Variants in RIPOR2 observed in about 807,000 individuals in gnomAD.
RIPOR2 encodes the protein RHO family interacting cell polarization regulator 2.
In RIPOR2, 39 loss-of-function variants were observed where a neutral mutation model predicts 114.5. The ratio of observed to expected loss-of-function variants is 0.34; its 90% CI spans 0.26 to 0.44. The LOEUF is 0.44. RIPOR2 is among the 20% of genes least tolerant of loss of function. RIPOR2 has a pLI of 1.00. For missense variants in RIPOR2, 1,007 were observed against 1,255.1 expected, an observed-to-expected ratio of 0.80 and a Z score of 2.99; for synonymous variants, 445 against 484.4, an observed-to-expected ratio of 0.92 and a Z score of 1.07.
chr6:24,993,111 G>A (rs1774900134), intron 1 of RIPOR2, among the ~76,000 whole-genome samples: 1 of 152,148 alleles, frequency 6.6e-6, no homozygotes, highest in Admixed American at 6.5e-5. Flanking sequence ...TTCTAATTGT[G>A]TTTATTTGAT....
chr6:24,966,437 T>G (rs934943129), intron 1 of RIPOR2, among the ~76,000 whole-genome samples: 40 of 152,218 alleles, frequency 2.6e-4, no homozygotes. Flanking sequence ...CTCCCCAAAA[T>G]GTTTTCTTTA....
At chr6:24,825,896 C>T (rs992421391) in intron 18 of RIPOR2, among the ~76,000 whole-genome samples, 3 of 147,908 alleles carry the variant, frequency 2.0e-5, no homozygotes, top group Non-Finnish European at 3.0e-5. Context: ...ACCTATCTAT[C>T]TATTTATTTA....
intron 1 of RIPOR2, among the ~76,000 whole-genome samples, chr6:24,994,489 A>G (rs1774962557): frequency 6.6e-6 from 1 of 152,178 alleles, no homozygotes; most frequent in South Asian, 2.1e-4. Context: ...TGGTGCTGAA[A>G]GCATTTCCGA....
Position 25,037,490 on chromosome 6 carries a change from G to C in RIPOR2, c.76+4361C>G, listed in dbSNP as rs1246849386. ...TGGGCAGGTCACAGGTAAGCAGCTT[G>C]ACAGGGTTTACAGGACACCAGATAG... On this transcript the variant is annotated intron_variant, in intron 1 of 13. Coordinates refer to the RIPOR2 transcript ENST00000510784. The surrounding 1 kb of genome is among the most constrained non-coding windows in gnomAD (Gnocchi z 4.5). Among the ~76,000 whole-genome samples, 1 of 152,128 alleles carries C rather than the reference G, an allele frequency of 6.6e-6. No homozygotes were observed. Among genetic ancestry groups the C allele is most frequent in the Non-Finnish European group, 1.5e-5 (1 of 68,026 alleles).
intron 1 of RIPOR2, among the ~76,000 whole-genome samples, chr6:24,908,908 T>C (rs1160731308): frequency 6.6e-6 from 1 of 152,228 alleles, no homozygotes; most frequent in Non-Finnish European, 1.5e-5. Flanking sequence ...TCGGTTTTCT[T>C]TCTCTGTAGC....
At chr6:24,840,518 G>C (rs989258889) in intron 13 of RIPOR2, 2 of 1,418,960 alleles carry the variant, frequency 1.4e-6, no homozygotes, top group Non-Finnish European at 1.8e-6. Context: ...AGGATGCTGG[G>C]GTGGGTCGAA....
At chr6:25,038,571 A>C (rs1777348747) in intron 1 of RIPOR2, among the ~76,000 whole-genome samples, 1 of 152,236 alleles carries the variant, frequency 6.6e-6, no homozygotes, top group Non-Finnish European at 1.5e-5. Flanking sequence ...CATGTGGCAG[A>C]GAACAATGGG....
chr6:24,888,184 G>A (rs1395908809), intron 1 of RIPOR2, among the ~76,000 whole-genome samples: 1 of 152,144 alleles, frequency 6.6e-6, no homozygotes, highest in East Asian at 1.9e-4. Context: ...GAGACAGCTT[G>A]GCTGATCCAG....
At chr6:24,945,852 C>T (rs553622341) in intron 1 of RIPOR2, among the ~76,000 whole-genome samples, 34 of 152,080 alleles carry the variant, frequency 2.2e-4, no homozygotes, top group African/African-American at 7.0e-4. Context: ...TTCTTTTATT[C>T]TCGTTTATTT....
chr6:24,839,021 G>T, intron 14 of RIPOR2, 70 bp downstream of exon 14: 4 of 1,280,278 alleles, frequency 3.1e-6, no homozygotes, highest in Non-Finnish European at 4.3e-6. Context: ...GGTCCCCTCT[G>T]ACAGTAACAA....
chr6:24,998,273 A>G (rs1415405459), intron 1 of RIPOR2, among the ~76,000 whole-genome samples: 2 of 152,184 alleles, frequency 1.3e-5, no homozygotes, highest in Non-Finnish European at 2.9e-5. Flanking sequence ...TGAGAATCTC[A>G]ACAAAATGAT....
At chr6:24,849,049 T>A (rs993670945) in intron 11 of RIPOR2, among the ~76,000 whole-genome samples, 5 of 152,100 alleles carry the variant, frequency 3.3e-5, no homozygotes, top group Admixed American at 1.3e-4. Flanking sequence ...GCATTACAGG[T>A]GCCTGCCACA....
At chr6:24,884,599 A>AG (rs1281703272) in intron 1 of RIPOR2, among the ~76,000 whole-genome samples, 4 of 152,204 alleles carry the variant, frequency 2.6e-5, no homozygotes, top group African/African-American at 9.7e-5. Context: ...CTCCTCAGCA[A>AG]GGGGATGGAA....
chr6:24,979,318 G>T (rs1370195751), intron 1 of RIPOR2, among the ~76,000 whole-genome samples: 2 of 121,680 alleles, frequency 1.6e-5, no homozygotes, highest in East Asian at 2.2e-4. Context: ...TGTTTCCTTA[G>T]CCCTGACATG....
chr6:24,953,281 C>T (rs1393168184), intron 1 of RIPOR2, among the ~76,000 whole-genome samples: 2 of 152,062 alleles, frequency 1.3e-5, no homozygotes, highest in Non-Finnish European at 2.9e-5. Context: ...TGCGGTGAGC[C>T]GATATTGTGC....
Position 24,886,079 on chromosome 6 carries a change from C to G in RIPOR2, c.62-10262G>C, listed in dbSNP as rs544068130. 3.3e-5 allele frequency among the ~76,000 whole-genome samples: 5 copies of G among 152,288 alleles called. No individual in the cohort carries two copies. The South Asian group carries it at 8.3e-4, about 25-fold the overall frequency. ...AGAAAGTTCTCATCTACCCTTCACC[C>G]AGATTCATTCGTCGACATCTGCCAC... On this transcript the variant is annotated intron_variant, in intron 1 of 21. Coordinates refer to ENST00000643898, the MANE Select transcript of RIPOR2 (RefSeq NM_001286445.3).
chr6:24,852,591 G>A lies in RIPOR2; in HGVS notation c.743C>T (p.Pro248Leu), dbSNP rs1271862921. The change falls in exon 9 of 22, where the codon CCT (proline) becomes CTT (leucine). Residue 248 changes from proline to leucine, a missense_variant. Transcript: ENST00000643898. The stretch of plus-strand genomic sequence containing the variant: ...AATACTTACTTCATATTGATCTCCA[G>A]GACAGAGGCGTGCAAAGCCAGCCAG... Reference protein sequence around the residue: ...KGLAGFARLCPGDQYEIFMKY... With the variant: ...KGLAGFARLCLGDQYEIFMKY... The A allele has an allele frequency of 3.8e-6, 6 of 1,599,352 alleles. No individual in the cohort carries two copies. The highest frequency in any genetic ancestry group is 8.5e-7 in the Non-Finnish European group (1 of 1,175,688).
rs1298911419 is a variant in RIPOR2 at position 24,883,214 on chromosome 6, T to C, written c.62-7397A>G. Among the ~76,000 whole-genome samples the C allele has an allele frequency of 6.6e-6, 1 of 152,220 alleles. No homozygotes were observed. The highest frequency in any genetic ancestry group is 1.5e-5 in the Non-Finnish European group (1 of 68,028). On this transcript the variant is annotated intron_variant, in intron 1 of 21. Transcript: ENST00000643898. The surrounding 1 kb of genome is among the most constrained non-coding windows in gnomAD (Gnocchi z 4.1). ...TGATAGAAAATATGAGACACATCTG[T>C]GATTTCTGAATGACATGAGTAAGGA...
intron 1 of RIPOR2, among the ~76,000 whole-genome samples, chr6:25,011,035 C>T (rs1775755538): frequency 6.6e-6 from 1 of 152,136 alleles, no homozygotes; most frequent in African/African-American, 2.4e-5. Flanking sequence ...TATCTTCTGC[C>T]TTCAAATATC....
Sources: gnomAD v4.1 joint callset for allele counts (sites outside exome capture counted in the v4.1 genomes callset) on GRCh38, gnomAD v4.1.1 for gene constraint, Gnocchi (gnomAD v3.1) non-coding constraint, MANE v1.5 for transcripts, NCBI Gene and HGNC (gene_info 2026-07-23, HGNC 2026-07-21) for gene names.